Variants in EIPR1 observed in about 807,000 individuals in gnomAD.
EIPR1 encodes EARP complex and GARP complex interacting protein 1, also known as EARP and GARP complex-interacting protein 1.
Under a neutral mutation model 48.1 loss-of-function variants are expected in EIPR1, and 25 were observed. That is an observed-to-expected ratio of 0.52 (90% CI 0.38 to 0.73). The LOEUF (loss-of-function observed/expected upper bound fraction) is 0.73, where lower values mean the gene tolerates loss of function less well. EIPR1 is among the 30% of genes least tolerant of loss of function. The pLI is 0.00. For missense variants in EIPR1, 415 were observed against 506.2 expected, an observed-to-expected ratio of 0.82 and a Z score of 1.73; for synonymous variants, 204 against 201.9, an observed-to-expected ratio of 1.01 and a Z score of -0.09.
In EIPR1 at chr2:3,247,428, G is replaced by A. The variant is rs924765936; in HGVS notation, c.416+9871C>T. ...ACCCTGTTGTGGCTAATCAGCCATC[G>A]AACCAATGGTGATGATGATGCATTG... On this transcript the variant is annotated intron_variant, in intron 4 of 8. Coordinates refer to ENST00000382125, the MANE Select transcript of EIPR1 (RefSeq NM_003310.5). 9.9e-5 allele frequency among the ~76,000 whole-genome samples: 15 copies of A among 152,164 alleles called. No homozygotes were observed. The East Asian group carries it at 1.9e-3, about 20-fold the overall frequency.
chr2:3,247,971 G>A (rs1023133763), intron 4 of EIPR1, among the ~76,000 whole-genome samples: 20 of 152,060 alleles, frequency 1.3e-4, no homozygotes, highest in African/African-American at 4.6e-4. Context: ...TTAAGGGAGC[G>A]ACATAGTCGA....
intron 4 of EIPR1, among the ~76,000 whole-genome samples, chr2:3,233,552 A>C (rs17040946): frequency 0.041 from 6,178 of 152,244 alleles, 142 homozygotes; most frequent in South Asian, 0.074. Flanking sequence ...TGTGATAATG[A>C]CCGTGCTGAT....
At chr2:3,271,654 A>C (rs1667705514) in intron 3 of EIPR1, among the ~76,000 whole-genome samples, 1 of 152,214 alleles carries the variant, frequency 6.6e-6, no homozygotes, top group South Asian at 2.1e-4. Flanking sequence ...CCATGCTATG[A>C]ACAGATGTGC....
intron 3 of EIPR1, among the ~76,000 whole-genome samples, chr2:3,268,833 C>G (rs1421905204): frequency 1.3e-5 from 2 of 152,186 alleles, no homozygotes; most frequent in Non-Finnish European, 2.9e-5. Context: ...TCTTCACCAA[C>G]ACGAGGCCGA....
chr2:3,230,540 A>G (rs966412235), intron 4 of EIPR1, among the ~76,000 whole-genome samples: 1 of 152,214 alleles, frequency 6.6e-6, no homozygotes, highest in Non-Finnish European at 1.5e-5. Context: ...AATGTTTCAG[A>G]TTTTGGAGCA....
At position 3,278,058 on chromosome 2, in the gene EIPR1, C is replaced by T. The variant is rs114897606; in HGVS notation, c.260-20603G>A. ...AGGGAACTGCCCTTCCTAATCATCC[C>T]TGGGAATAACAGGAGGGTCTGCACC... On this transcript the variant is annotated intron_variant, in intron 3 of 8. Transcript: ENST00000382125. 3.2e-3 allele frequency among the ~76,000 whole-genome samples: 483 copies of T among 152,326 alleles called. 4 individuals carry two copies. The highest frequency in any genetic ancestry group is 6.8e-3 in the Middle Eastern group (2 of 294).
At chr2:3,274,244 A>G (rs1667781333) in intron 3 of EIPR1, 2 of 1,505,466 alleles carry the variant, frequency 1.3e-6, no homozygotes. Flanking sequence ...ACTCAGGAGC[A>G]CAACTATCTC....
intron 5 of EIPR1, among the ~76,000 whole-genome samples, chr2:3,210,520 G>A (rs534595694): frequency 2.6e-5 from 4 of 152,188 alleles, no homozygotes; most frequent in South Asian, 2.1e-4. Flanking sequence ...GGATGAGCAC[G>A]CTTGGTTTCT....
At chr2:3,248,604 AAAAAC>A (rs1161694930) in intron 4 of EIPR1, among the ~76,000 whole-genome samples, 1 of 151,918 alleles carries the variant, frequency 6.6e-6, no homozygotes, top group African/African-American at 2.4e-5. Flanking sequence ...GAAAAAGAAA[AAAAAC>A]AAAAAAACTA....
At chr2:3,240,733 A>G (rs80329862) in intron 4 of EIPR1, among the ~76,000 whole-genome samples, 34 of 145,212 alleles carry the variant, frequency 2.3e-4, no homozygotes, top group African/African-American at 3.8e-4. Flanking sequence ...AAGCCAGCAG[A>G]TCCCTCCTAA....
chr2:3,233,499 A>G (rs535690928), intron 4 of EIPR1, among the ~76,000 whole-genome samples: 3 of 152,304 alleles, frequency 2.0e-5, no homozygotes, highest in Admixed American at 1.3e-4. Flanking sequence ...TAGAATGTGC[A>G]TTTCCCCCGG....
At position 3,189,586 on chromosome 2, in the gene EIPR1, G is replaced by A. The variant is rs1011394363; in HGVS notation, c.990-78C>T. 26 of 1,370,196 alleles carry A rather than the reference G, an allele frequency of 1.9e-5. No homozygotes were observed. In the East Asian group the frequency reaches 2.1e-4, roughly 11 times the overall value. 84.9% of individuals were successfully genotyped at this position (1,370,196 alleles called of 1,614,324 possible). A position where few individuals can be genotyped will look rare whatever the true frequency, so the allele number is the denominator to read the frequency against. ...GGAGAGGGGCAGGGAGGACGCGAGC[G>A]CTGACATCGGGAGACACGGGAGGTA... On this transcript the variant is annotated intron_variant, in intron 8 of 8. Transcript: ENST00000382125. This position sits in a 1 kb window ranked among gnomAD's most constrained non-coding sequence, Gnocchi z 4.6.
rs1048911030 is a variant in EIPR1 at position 3,312,137 on chromosome 2, C to T, written c.259+25880G>A. 5.9e-5 allele frequency among the ~76,000 whole-genome samples: 9 copies of T among 152,108 alleles called. No individual in the cohort carries two copies. Among genetic ancestry groups the T allele is most frequent in the East Asian group, 1.9e-4 (1 of 5,182 alleles). On this transcript the variant is annotated intron_variant, in intron 3 of 8. Transcript: ENST00000382125. The surrounding 1 kb of genome is among the most constrained non-coding windows in gnomAD (Gnocchi z 5.5). The stretch of plus-strand genomic sequence containing the variant: ...AAGTGCCTGAAGATGAGTCTCGGGA[C>T]GCTCCCAAATTTCCTCAAGTTGCCC...
At chr2:3,363,803 CAA>C (rs372598069) in intron 1 of EIPR1, among the ~76,000 whole-genome samples, 3 of 132,526 alleles carry the variant, frequency 2.3e-5, no homozygotes, top group Admixed American at 7.3e-5. Context: ...AACTCAACAG[CAA>C]AAAAAAAAAA....
intron 5 of EIPR1, among the ~76,000 whole-genome samples, chr2:3,212,470 T>G (rs1282675307): frequency 6.6e-6 from 1 of 151,504 alleles, no homozygotes; most frequent in Non-Finnish European, 1.5e-5. Context: ...CCCAAGTGTC[T>G]ATACCGGGAG....
chr2:3,352,494 G>GC (rs1456243954), intron 2 of EIPR1, among the ~76,000 whole-genome samples: 2 of 151,890 alleles, frequency 1.3e-5, no homozygotes, highest in African/African-American at 4.8e-5. Flanking sequence ...GAAGCTACCT[G>GC]CCCCTGAGCC....
rs531636751 is a variant in EIPR1, at chr2:3,269,592, C to T, written c.260-12137G>A. Among the ~76,000 whole-genome samples, 4 of 50,204 alleles carry T rather than the reference C, an allele frequency of 8.0e-5. 1 individual carries two copies. The highest frequency in any genetic ancestry group is 4.0e-4 in the African/African-American group (4 of 10,086). 32.9% of individuals were successfully genotyped at this position (50,204 alleles called of 152,430 possible). On this transcript the variant is annotated intron_variant, in intron 3 of 8. Coordinates refer to ENST00000382125, the MANE Select transcript of EIPR1 (RefSeq NM_003310.5). Reference sequence around the variant, plus strand: ...GCACTCAGTCATCGCACTCAATCATCGCACTCAATCGCACTCAATCATCAC... The same window carrying T: ...GCACTCAGTCATCGCACTCAATCATTGCACTCAATCGCACTCAATCATCAC...
At chr2:3,215,147 T>G (rs1665588419) in intron 4 of EIPR1, among the ~76,000 whole-genome samples, 1 of 152,214 alleles carries the variant, frequency 6.6e-6, no homozygotes, top group Non-Finnish European at 1.5e-5. Flanking sequence ...CTCACCAACG[T>G]GGGCTTCATC....
intron 3 of EIPR1, among the ~76,000 whole-genome samples, chr2:3,264,678 T>C (rs1392865701): frequency 6.6e-6 from 1 of 151,910 alleles, no homozygotes; most frequent in Non-Finnish European, 1.5e-5. Context: ...TATGAACCAA[T>C]GCTGTTTTTG....
Sources: gnomAD v4.1 joint callset for allele counts (sites outside exome capture counted in the v4.1 genomes callset) on GRCh38, gnomAD v4.1.1 for gene constraint, Gnocchi (gnomAD v3.1) non-coding constraint, MANE v1.5 for transcripts, NCBI Gene and HGNC (gene_info 2026-07-23, HGNC 2026-07-21) for gene names.